Variants in RAPGEF2 observed in about 807,000 individuals in gnomAD.
RAPGEF2 encodes PDZ domain containing guanine nucleotide exchange factor (GEF) 1.
RAPGEF2 carries 54 observed loss-of-function variants against 186.7 expected under a neutral mutation model. The observed-to-expected ratio is 0.29, with a 90% CI of 0.23 to 0.36. RAPGEF2 has a LOEUF of 0.36. Ranked by LOEUF, RAPGEF2 falls within the 10% of genes least tolerant of loss-of-function variation. The pLI is 1.00. For synonymous variants in RAPGEF2, 712 were observed against 705.9 expected, an observed-to-expected ratio of 1.01 and a Z score of -0.14; for missense variants, 1,532 against 2,045.0, an observed-to-expected ratio of 0.75 and a Z score of 4.84.
intron 1 of RAPGEF2, among the ~76,000 whole-genome samples, chr4:159,109,103 A>G (rs1158055782): frequency 6.6e-6 from 1 of 152,220 alleles, no homozygotes; most frequent in Non-Finnish European, 1.5e-5. Flanking sequence ...AAATAATGAT[A>G]TGATAACCTT....
intron 1 of RAPGEF2, among the ~76,000 whole-genome samples, chr4:159,106,739 G>C (rs1737930223): frequency 6.6e-6 from 1 of 152,126 alleles, no homozygotes; most frequent in Non-Finnish European, 1.5e-5. Context: ...TTTTTTAAAG[G>C]CTTGCTGGCC....
At chr4:159,198,325 T>C (rs1173936616) in intron 3 of RAPGEF2, among the ~76,000 whole-genome samples, 1 of 82,706 alleles carries the variant, frequency 1.2e-5, no homozygotes, top group African/African-American at 9.7e-5. Context: ...TTTCTTTCTT[T>C]CTTTCTTTCT....
At chr4:159,302,768 T>A (rs6840793) in intron 7 of RAPGEF2, among the ~76,000 whole-genome samples, 28,346 of 151,824 alleles carry the variant, frequency 0.19, 2,800 homozygotes, top group Admixed American at 0.25. Context: ...CATATTTTTT[T>A]ATTTTTTTTA....
intron 9 of RAPGEF2, among the ~76,000 whole-genome samples, chr4:159,315,095 G>C (rs28538100): frequency 1.9e-4 from 28 of 150,960 alleles, no homozygotes; most frequent in African/African-American, 6.6e-4. Flanking sequence ...TAATTTTCTC[G>C]TGAGCACTGT....
chr4:159,219,657 A>G (rs1325096990), intron 4 of RAPGEF2, among the ~76,000 whole-genome samples: 1 of 152,154 alleles, frequency 6.6e-6, no homozygotes, highest in Non-Finnish European at 1.5e-5. Context: ...GCGCAGCCAT[A>G]ACTTTATCTT....
intron 7 of RAPGEF2, among the ~76,000 whole-genome samples, chr4:159,276,592 A>G (rs1232126032): frequency 6.6e-6 from 1 of 152,222 alleles, no homozygotes; most frequent in Non-Finnish European, 1.5e-5. Context: ...AAAATTTGAA[A>G]TAGCTTAGCT....
intron 1 of RAPGEF2, among the ~76,000 whole-genome samples, chr4:159,105,033 A>T (rs1003536749): frequency 6.6e-6 from 1 of 152,094 alleles, no homozygotes; most frequent in Non-Finnish European, 1.5e-5. Context: ...ACCTTTATAC[A>T]TTTGTTTACC....
chr4:159,295,650 C>G (rs746932743), intron 7 of RAPGEF2, among the ~76,000 whole-genome samples: 1 of 150,648 alleles, frequency 6.6e-6, no homozygotes, highest in Admixed American at 6.6e-5. Context: ...GTTCTTGATG[C>G]CAGATATCTC....
chr4:159,349,515 G>A (rs557566999), intron 25 of RAPGEF2, among the ~76,000 whole-genome samples: 3 of 152,216 alleles, frequency 2.0e-5, no homozygotes, highest in African/African-American at 7.2e-5. Flanking sequence ...TCCTTCTTCT[G>A]AAACCTTCCT....
At chr4:159,151,309 A>T (rs955813470) in intron 1 of RAPGEF2, among the ~76,000 whole-genome samples, 1 of 152,230 alleles carries the variant, frequency 6.6e-6, no homozygotes, top group African/African-American at 2.4e-5. Context: ...TCAGGAGTCC[A>T]GGTCAGTTTG....
chr4:159,340,507 T>A (rs944654734), intron 19 of RAPGEF2, among the ~76,000 whole-genome samples: 1 of 152,078 alleles, frequency 6.6e-6, no homozygotes, highest in Non-Finnish European at 1.5e-5. Flanking sequence ...GGGCGCAAAG[T>A]ATATATTTTC....
At chr4:159,194,226 A>G (rs1235113833) in intron 3 of RAPGEF2, among the ~76,000 whole-genome samples, 1 of 152,156 alleles carries the variant, frequency 6.6e-6, no homozygotes, top group East Asian at 1.9e-4. Context: ...TGAACATCAT[A>G]GCAAGTTTAG....
chr4:159,240,160 G>A (rs1753788211), intron 5 of RAPGEF2, among the ~76,000 whole-genome samples: 1 of 151,942 alleles, frequency 6.6e-6, no homozygotes, highest in Non-Finnish European at 1.5e-5. Flanking sequence ...TTTCTCTGGA[G>A]GATTTTTAGT....
chr4:159,158,241 A>T (rs1254550615), intron 1 of RAPGEF2, among the ~76,000 whole-genome samples: 2 of 152,156 alleles, frequency 1.3e-5, no homozygotes, highest in Non-Finnish European at 1.5e-5. Flanking sequence ...AAATTCCAGG[A>T]ACTGCATGCA....
At chr4:159,267,470 AG>A (rs1479452070) in intron 7 of RAPGEF2, among the ~76,000 whole-genome samples, 11 of 152,198 alleles carry the variant, frequency 7.2e-5, no homozygotes, top group African/African-American at 2.7e-4. Context: ...AATGTCCATC[AG>A]TGTCATGCTG....
chr4:159,268,746 G>C (rs1271965977), intron 7 of RAPGEF2, among the ~76,000 whole-genome samples: 1 of 151,728 alleles, frequency 6.6e-6, no homozygotes, highest in Non-Finnish European at 1.5e-5. Context: ...AAAAATTATT[G>C]CTTCTTTATA....
At chr4:159,279,901 C>T (rs1011274305) in intron 7 of RAPGEF2, among the ~76,000 whole-genome samples, 1 of 152,058 alleles carries the variant, frequency 6.6e-6, no homozygotes, top group Non-Finnish European at 1.5e-5. Flanking sequence ...CCAGGCTGCT[C>T]TCTTAACTCC....
chr4:159,320,569 A>G (rs546436335), intron 9 of RAPGEF2, among the ~76,000 whole-genome samples: 1 of 152,264 alleles, frequency 6.6e-6, no homozygotes, highest in African/African-American at 2.4e-5. Context: ...GGGTACACCT[A>G]TCATTATCAT....
At chr4:159,240,331 CT>C (rs370477370) in intron 5 of RAPGEF2, among the ~76,000 whole-genome samples, 16 of 77,608 alleles carry the variant, frequency 2.1e-4, no homozygotes, top group African/African-American at 8.1e-4. Flanking sequence ...AGCATTTCTA[CT>C]TTTTTTTTTT....
Sources: allele counts gnomAD v4.1 joint callset (sites outside exome capture counted in the v4.1 genomes callset), GRCh38; gene constraint gnomAD v4.1.1; transcripts MANE v1.5; gene names NCBI Gene and HGNC (gene_info 2026-07-23, HGNC 2026-07-21).